The following SUCLG1 variants were observed in gnomAD, a reference collection of about 807,000 sequenced individuals.
SUCLG1 encodes the protein succinate--CoA ligase [ADP/GDP-forming] subunit alpha, mitochondrial.
In SUCLG1, 26 loss-of-function variants were observed where a neutral mutation model predicts 37.3. The ratio of observed to expected loss-of-function variants is 0.70; its 90% CI spans 0.51 to 0.97. The LOEUF (loss-of-function observed/expected upper bound fraction) is 0.97. SUCLG1 is among the 50% of genes least tolerant of loss of function. The pLI is 0.00. For synonymous variants in SUCLG1, 163 were observed against 155.6 expected (o/e 1.05, Z -0.36); for missense variants, 433 against 432.9 (o/e 1.00, Z 0.00).
At chr2:84,447,391 T>A (rs748849297) in intron 2 of SUCLG1, among the ~76,000 whole-genome samples, 3 of 152,218 alleles carry the variant, frequency 2.0e-5, no homozygotes, top group Non-Finnish European at 4.4e-5. Flanking sequence ...TTTAAATATT[T>A]AGGCAAACTA....
At chr2:84,450,085 T>C (rs1015838725) in intron 1 of SUCLG1, among the ~76,000 whole-genome samples, 3 of 152,116 alleles carry the variant, frequency 2.0e-5, no homozygotes, top group African/African-American at 4.8e-5. Context: ...ATGGTTAAAA[T>C]TAAATCCAGG....
intron 1 of SUCLG1, among the ~76,000 whole-genome samples, chr2:84,454,486 G>A (rs1672989333): frequency 6.6e-6 from 1 of 152,190 alleles, no homozygotes; most frequent in Non-Finnish European, 1.5e-5. Flanking sequence ...GATGCAGAAT[G>A]AGCAGACCAA....
intron 2 of SUCLG1, among the ~76,000 whole-genome samples, chr2:84,445,479 C>T (rs564527004): frequency 6.6e-6 from 1 of 152,284 alleles, no homozygotes; most frequent in South Asian, 2.1e-4. Flanking sequence ...CAACTGCCTA[C>T]CTGACACCTC....
At chr2:84,433,788 T>G (rs1478372239) in intron 5 of SUCLG1, 1 of 313,924 alleles carries the variant, frequency 3.2e-6, no homozygotes, top group East Asian at 8.2e-5. Flanking sequence ...AGTGGCAGAA[T>G]GTAATAGATT....
At chr2:84,458,731 C>T (rs922886689) in intron 1 of SUCLG1, among the ~76,000 whole-genome samples, 19 of 152,168 alleles carry the variant, frequency 1.2e-4, no homozygotes, top group Non-Finnish European at 2.6e-4. Flanking sequence ...GTACTAGGGA[C>T]AGCCTCATCC....
intron 5 of SUCLG1, among the ~76,000 whole-genome samples, chr2:84,437,048 C>G (rs908502192): frequency 6.6e-6 from 1 of 152,214 alleles, no homozygotes; most frequent in African/African-American, 2.4e-5. Flanking sequence ...TTCCACCCCA[C>G]GTATGTCTCA....
chr2:84,456,119 A>T (rs13422954), intron 1 of SUCLG1, among the ~76,000 whole-genome samples: 10,626 of 152,124 alleles, frequency 0.07, 1,235 homozygotes, highest in African/African-American at 0.24. Flanking sequence ...TCCAAACTAC[A>T]CTTTAAATGC....
chr2:84,451,123 G>A (rs544223547), intron 1 of SUCLG1, among the ~76,000 whole-genome samples: 6 of 152,200 alleles, frequency 3.9e-5, no homozygotes, highest in Admixed American at 1.3e-4. Flanking sequence ...TGCTGCATTC[G>A]AGACCCATTC....
chr2:84,453,427 T>TC (rs928312261), intron 1 of SUCLG1, among the ~76,000 whole-genome samples: 7 of 151,802 alleles, frequency 4.6e-5, no homozygotes, highest in African/African-American at 1.7e-4. Flanking sequence ...TATTATTATT[T>TC]TTTTTGAGAC....
At position 84,443,291 on chromosome 2, in the gene SUCLG1, A is replaced by G; in HGVS notation, c.311T>C (p.Val104Ala). The change falls in exon 3 of 9, where the codon GTG becomes GCG. Residue 104 changes from valine to alanine, a missense_variant. Val to Ala is a moderately conservative substitution (Grantham distance 64). Coordinates refer to ENST00000393868, the MANE Select transcript of SUCLG1 (RefSeq NM_003849.4). ...THLGLPVFNT[V>A]KEAKEQTGAT... ...TCAGGTACCACTAATTACCTCCTTC[A>G]CAGTATTAAAGACAGGTAAGCCCAG... is the stretch of plus-strand genomic sequence containing the variant. 1.2e-6 allele frequency: 2 copies of G among 1,613,806 alleles called. No homozygotes were observed. The highest frequency in any genetic ancestry group is 1.7e-6 in the Non-Finnish European group (2 of 1,179,726).
intron 8 of SUCLG1, among the ~76,000 whole-genome samples, chr2:84,425,103 T>C (rs1022949146): frequency 1.3e-5 from 2 of 152,180 alleles, no homozygotes; most frequent in African/African-American, 4.8e-5. Context: ...CACAGCTACC[T>C]TCCAAACTCT....
chr2:84,433,364 A>C lies in SUCLG1; in HGVS notation c.661T>G (p.Ser221Ala). ...AAAAGTCCCTCACCAACGCACAAAGACTGCCCCAATCCAACTTGCGTTGTT... is the reference window on the plus strand; with the variant it reads ...AAAAGTCCCTCACCAACGCACAAAGCCTGCCCCAATCCAACTTGCGTTGTT... ...HQTTQVGLGQSLCVGIGGDPF... is the reference protein window; with the variant it reads ...HQTTQVGLGQALCVGIGGDPF... The change falls in exon 6 of 9, where the codon TCT (serine) becomes GCT (alanine). Residue 221 changes from serine to alanine, a missense_variant. By Grantham distance (99) the Ser-to-Ala change is moderately conservative. Coordinates refer to ENST00000393868, the MANE Select transcript of SUCLG1 (RefSeq NM_003849.4). 6.2e-7 allele frequency: 1 copy of C among 1,613,968 alleles called. No homozygotes were observed. Among genetic ancestry groups the C allele is most frequent in the South Asian group, 1.1e-5 (1 of 91,078 alleles).
chr2:84,436,427 C>T (rs2104248410), intron 5 of SUCLG1, among the ~76,000 whole-genome samples: 1 of 152,274 alleles, frequency 6.6e-6, no homozygotes, highest in Admixed American at 6.5e-5. Flanking sequence ...GGAACGAACA[C>T]AAACTTTTTA....
At chr2:84,426,740 A>G (rs1228591783) in intron 7 of SUCLG1, 1 of 152,170 alleles carries the variant, frequency 6.6e-6, no homozygotes, top group East Asian at 1.9e-4. Context: ...TATCATGTTC[A>G]TAACAGAAGT....
intron 2 of SUCLG1, among the ~76,000 whole-genome samples, chr2:84,445,677 C>T (rs1487355574): frequency 6.6e-6 from 1 of 152,152 alleles, no homozygotes; most frequent in Non-Finnish European, 1.5e-5. Context: ...ATTAGTAGAG[C>T]TTATTTCTCT....
rs188357506 is a variant in SUCLG1 at position 84,429,390 on chromosome 2, T to C, written c.825+2118A>G. On this transcript the variant is annotated intron_variant, in intron 7 of 8. Coordinates refer to ENST00000393868, the MANE Select transcript of SUCLG1 (RefSeq NM_003849.4). ...TTTTTTTAAAGAAGTCAGTTTTTAC[T>C]TATATTTCAAACTGTACAACTTTCT... 3.3e-5 allele frequency among the ~76,000 whole-genome samples: 5 copies of C among 152,300 alleles called. No homozygotes were observed. In the East Asian group the frequency reaches 7.7e-4, roughly 23 times the overall value.
chr2:84,434,409 T>C (rs1345685860), intron 5 of SUCLG1, among the ~76,000 whole-genome samples: 3 of 152,178 alleles, frequency 2.0e-5, no homozygotes, highest in Non-Finnish European at 4.4e-5. Flanking sequence ...CCTTTATAAA[T>C]GGACCTGTGT....
chr2:84,457,603 C>G (rs1433834447), intron 1 of SUCLG1, among the ~76,000 whole-genome samples: 1 of 152,182 alleles, frequency 6.6e-6, no homozygotes, highest in Non-Finnish European at 1.5e-5. Context: ...AGGCTAGGAT[C>G]TTTCAGAACC....
intron 3 of SUCLG1, 119 bp from the exon 4 acceptor site, chr2:84,441,578 T>G (rs1300279544): frequency 8.8e-7 from 1 of 1,137,362 alleles, no homozygotes; most frequent in Non-Finnish European, 1.3e-6. Context: ...CCCAGAGACA[T>G]AGCATTCTTC....
Sources: gnomAD v4.1 joint callset for allele counts (sites outside exome capture counted in the v4.1 genomes callset) on GRCh38, gnomAD v4.1.1 for gene constraint, MANE v1.5 for transcripts, NCBI Gene and HGNC (gene_info 2026-07-23, HGNC 2026-07-21) for gene names.